Variants in DPP6 observed in about 807,000 individuals in gnomAD.
DPP6 encodes dipeptidyl peptidase like 6.
DPP6 carries 69 observed loss-of-function variants against 122.6 expected under a neutral mutation model. The observed-to-expected ratio is 0.56, with a 90% CI of 0.46 to 0.69. DPP6 has a LOEUF of 0.69. Among genes scored for constraint, DPP6 ranks in the 30% least tolerant of loss-of-function variants. The pLI, the probability that DPP6 is intolerant of heterozygous loss-of-function variation, is 0.00. For synonymous variants in DPP6, 418 were observed against 433.1 expected, an observed-to-expected ratio of 0.97 and a Z score of 0.43; for missense variants, 928 against 1,116.9, an observed-to-expected ratio of 0.83 and a Z score of 2.41.
chr7:154,774,959 A>T (rs1408644618), intron 10 of DPP6, among the ~76,000 whole-genome samples: 2 of 152,192 alleles, frequency 1.3e-5, no homozygotes, highest in Admixed American at 6.5e-5. Flanking sequence ...CTGCATGTCC[A>T]TGCTACTGAC....
chr7:154,181,437 A>C (rs558221314), intron 1 of DPP6, among the ~76,000 whole-genome samples: 34 of 152,236 alleles, frequency 2.2e-4, no homozygotes, highest in Admixed American at 1.2e-3. Flanking sequence ...GGTTTATGTA[A>C]GACATGACCC....
At chr7:154,049,046 T>TG (rs1350733712), upstream of DPP6, among the ~76,000 whole-genome samples, 2 of 149,962 alleles carry the variant, frequency 1.3e-5, no homozygotes, top group Non-Finnish European at 3.0e-5. Context: ...AAAAATGGGT[T>TG]GGGGGCATTT....
At chr7:154,887,414 G>A (rs531653122) in intron 22 of DPP6, among the ~76,000 whole-genome samples, 1 of 152,338 alleles carries the variant, frequency 6.6e-6, no homozygotes, top group South Asian at 2.1e-4. Flanking sequence ...GCTTAATTAA[G>A]GTTCTGCGAT....
At position 154,472,277 on chromosome 7, in the gene DPP6, C is replaced by T. The variant is rs1822341811; in HGVS notation, c.359-2662C>T. Among the ~76,000 whole-genome samples the T allele has an allele frequency of 5.9e-5, 9 of 152,284 alleles. No homozygotes were observed. The South Asian group carries it at 1.9e-3, about 32-fold the overall frequency. On this transcript the variant is annotated intron_variant, in intron 2 of 25. Transcript: ENST00000377770. Reference sequence around the variant, plus strand: ...AATATCAAATACAATGAGAGAATCTCCCTTCCCCTCTAGGATTTCCTGTTC... The same window carrying T: ...AATATCAAATACAATGAGAGAATCTTCCTTCCCCTCTAGGATTTCCTGTTC...
chr7:154,175,252 T>C (rs1033889506), intron 1 of DPP6, among the ~76,000 whole-genome samples: 1 of 152,126 alleles, frequency 6.6e-6, no homozygotes, highest in Admixed American at 6.6e-5. Flanking sequence ...TTACAGTACC[T>C]GGCAAAAGAG....
rs186667408 is a variant in DPP6, at chr7:154,505,397, T to A, written c.457+30360T>A. On this transcript the variant is annotated intron_variant, in intron 3 of 25. Transcript: ENST00000377770. Reference sequence around the variant, plus strand: ...GAATTAATAGTATTGATATAATGCATCACTGTTAGACAAAATTTATGCTTA... The same window carrying A: ...GAATTAATAGTATTGATATAATGCAACACTGTTAGACAAAATTTATGCTTA... 2.0e-3 allele frequency among the ~76,000 whole-genome samples: 307 copies of A among 152,286 alleles called. 6 individuals carry two copies. Among genetic ancestry groups the A allele is most frequent in the Admixed American group, 0.018 (282 of 15,284 alleles).
chr7:154,190,362 A>C (rs942962506), intron 1 of DPP6, among the ~76,000 whole-genome samples: 18 of 151,786 alleles, frequency 1.2e-4, no homozygotes, highest in Admixed American at 4.6e-4. Flanking sequence ...CGTTTATATA[A>C]CACCACCAGC....
intron 3 of DPP6, among the ~76,000 whole-genome samples, chr7:154,539,544 A>G (rs1008748462): frequency 2.0e-5 from 3 of 152,166 alleles, no homozygotes; most frequent in South Asian, 4.2e-4. Context: ...TGATGAGTTA[A>G]TGGGTGCAGC....
chr7:154,750,599 G>T (rs1458740621), intron 8 of DPP6, among the ~76,000 whole-genome samples: 3 of 152,188 alleles, frequency 2.0e-5, no homozygotes, highest in Admixed American at 6.5e-5. Flanking sequence ...AGGGTGGCGG[G>T]GGTCGGCTTC....
chr7:154,246,346 C>CA (rs1302650569), intron 1 of DPP6, among the ~76,000 whole-genome samples: 1 of 151,592 alleles, frequency 6.6e-6, no homozygotes, highest in East Asian at 1.9e-4. Flanking sequence ...AAAAGAAATA[C>CA]AAAACCTCTA....
chr7:153,921,538 C>T (rs1432182926), intron 1 of DPP6, among the ~76,000 whole-genome samples: 2 of 152,114 alleles, frequency 1.3e-5, no homozygotes, highest in South Asian at 2.1e-4. Flanking sequence ...AGGCTGACAC[C>T]GTTTGATCCA....
chr7:154,402,656 A>C (rs1387161226), intron 1 of DPP6, among the ~76,000 whole-genome samples: 1 of 149,558 alleles, frequency 6.7e-6, no homozygotes, highest in Non-Finnish European at 1.5e-5. Flanking sequence ...CTAGATGACG[A>C]GTTAGTGGGT....
chr7:153,879,036 G>A, the DPP6 span, among the ~76,000 whole-genome samples: 8 of 152,238 alleles, frequency 5.3e-5, no homozygotes, highest in East Asian at 1.9e-4. Context: ...AAGTAATGGC[G>A]GCCCCTCTCC....
At chr7:154,151,652 G>C (rs1157580172) in intron 1 of DPP6, among the ~76,000 whole-genome samples, 1 of 152,176 alleles carries the variant, frequency 6.6e-6, no homozygotes, top group African/African-American at 2.4e-5. Flanking sequence ...TCAGGGACCA[G>C]CTGTGAAGTA....
chr7:153,938,220 C>T (rs1195850780), intron 1 of DPP6, among the ~76,000 whole-genome samples: 3 of 152,182 alleles, frequency 2.0e-5, no homozygotes. Context: ...TGTCCTCTGC[C>T]TTTCATCTTC....
chr7:154,648,341 A>G (rs1836641375), intron 6 of DPP6, among the ~76,000 whole-genome samples: 1 of 151,644 alleles, frequency 6.6e-6, no homozygotes, highest in African/African-American at 2.4e-5. Context: ...GGATAGGGAA[A>G]GGCCCCACCT....
At chr7:154,865,027 A>G (rs868880) in intron 17 of DPP6, among the ~76,000 whole-genome samples, 42,702 of 152,102 alleles carry the variant, frequency 0.28, 7,861 homozygotes, top group East Asian at 0.54. Context: ...ATTCACATGC[A>G]TATATATGGA....
chr7:154,073,194 G>A (rs1210662129), intron 1 of DPP6, among the ~76,000 whole-genome samples: 13 of 152,204 alleles, frequency 8.5e-5, no homozygotes, highest in Non-Finnish European at 1.6e-4. Context: ...TGCCCTGGGC[G>A]GCCTCTCTGA....
chr7:153,782,894 A>T, the DPP6 span, among the ~76,000 whole-genome samples: 2 of 152,174 alleles, frequency 1.3e-5, no homozygotes, highest in Non-Finnish European at 2.9e-5. Flanking sequence ...TGGACAAGAG[A>T]GCTGAGACCA....
Sources: gnomAD v4.1 joint callset for allele counts (sites outside exome capture counted in the v4.1 genomes callset) on GRCh38, gnomAD v4.1.1 for gene constraint, MANE v1.5 for transcripts, NCBI Gene and HGNC (gene_info 2026-07-23, HGNC 2026-07-21) for gene names.